The following FAT3 variants were observed in gnomAD, a reference collection of about 807,000 sequenced individuals.
The protein encoded by FAT3 is protocadherin Fat 3.
FAT3 carries 95 observed loss-of-function variants against 310.2 expected under a neutral mutation model. That is an observed-to-expected ratio of 0.31 (90% CI 0.26 to 0.36). The LOEUF is 0.36. Ranked by LOEUF, FAT3 falls within the 10% of genes least tolerant of loss-of-function variation. FAT3 has a pLI of 1.00. For missense variants in FAT3, 5,408 were observed against 5,715.6 expected, an observed-to-expected ratio of 0.95 and a Z score of 1.74; for synonymous variants, 2,314 against 2,192.9, an observed-to-expected ratio of 1.06 and a Z score of -1.54.
intron 2 of FAT3, among the ~76,000 whole-genome samples, chr11:92,404,338 G>GT (rs1950092282): frequency 6.6e-6 from 1 of 152,100 alleles, no homozygotes; most frequent in Non-Finnish European, 1.5e-5. Context: ...GCTGGGTACA[G>GT]GATAGCCAGA....
chr11:92,531,699 T>G (rs1954079261), intron 3 of FAT3, among the ~76,000 whole-genome samples: 1 of 151,982 alleles, frequency 6.6e-6, no homozygotes, highest in African/African-American at 2.4e-5. Flanking sequence ...TCAGCTGCAT[T>G]GTGTAGCTGC....
intron 2 of FAT3, among the ~76,000 whole-genome samples, chr11:92,394,114 G>A (rs1228300614): frequency 6.6e-6 from 1 of 152,086 alleles, no homozygotes; most frequent in Non-Finnish European, 1.5e-5. Flanking sequence ...GAATAACATT[G>A]GCAAGTAAGA....
intron 3 of FAT3, among the ~76,000 whole-genome samples, chr11:92,529,113 T>C (rs1425455086): frequency 1.3e-5 from 2 of 152,212 alleles, no homozygotes; most frequent in South Asian, 2.1e-4. Flanking sequence ...CATTGGAAGA[T>C]ACTTTCTGCA....
At chr11:92,848,537 C>G (rs534106958) in intron 19 of FAT3, among the ~76,000 whole-genome samples, 3 of 152,326 alleles carry the variant, frequency 2.0e-5, no homozygotes, top group Non-Finnish European at 4.4e-5. Flanking sequence ...ATTCAAAAAT[C>G]TAATACATAA....
rs78244582 is a variant in FAT3 at position 92,524,680 on chromosome 11, A to G, written c.3339A>G (p.Ser1113=). The change falls in exon 3 of 28, where the codon TCA becomes TCG. Residue 1113 remains serine (S), a synonymous_variant. Coordinates refer to ENST00000525166, the MANE Select transcript of FAT3 (RefSeq NM_001367949.2). ...TTCTTGATCGGGAGACAATGGGGTC[A>G]TACTGGCTAACAGTGTATGCCACAG... ...ADILDRETMG[S]YWLTVYATDR... 1 of 1,613,896 alleles carries G rather than the reference A, an allele frequency of 6.2e-7. No individual in the cohort carries two copies. The highest frequency in any genetic ancestry group is 1.3e-5 in the African/African-American group (1 of 75,036).
intron 1 of FAT3, among the ~76,000 whole-genome samples, chr11:92,271,452 C>T (rs59228880): frequency 0.2 from 30,196 of 152,046 alleles, 3,653 homozygotes; most frequent in African/African-American, 0.34. Context: ...GCCACTCCCC[C>T]TTAGGATGAT....
intron 1 of FAT3, among the ~76,000 whole-genome samples, chr11:92,267,103 G>A (rs1295199352): frequency 6.6e-6 from 1 of 151,866 alleles, no homozygotes; most frequent in African/African-American, 2.4e-5. Flanking sequence ...CCATCCTGCC[G>A]ACTTTTGCAC....
intron 1 of FAT3, among the ~76,000 whole-genome samples, chr11:92,351,497 C>T (rs541150199): frequency 2.0e-5 from 3 of 152,124 alleles, no homozygotes; most frequent in African/African-American, 4.8e-5. Context: ...AATAATAGAA[C>T]TCATGCTATA....
chr11:92,241,733 C>T (rs761278066), intron 1 of FAT3, among the ~76,000 whole-genome samples: 1 of 151,902 alleles, frequency 6.6e-6, no homozygotes, highest in Non-Finnish European at 1.5e-5. Context: ...ATTTATTTAT[C>T]AGTCATTAGT....
intron 2 of FAT3, among the ~76,000 whole-genome samples, chr11:92,458,312 C>T (rs1951550568): frequency 6.6e-6 from 1 of 152,170 alleles, no homozygotes; most frequent in Admixed American, 6.5e-5. Flanking sequence ...TATTTGGAAG[C>T]AGTGTTTCCT....
chr11:92,718,393 G>T (rs1369801696), intron 4 of FAT3, among the ~76,000 whole-genome samples: 1 of 152,062 alleles, frequency 6.6e-6, no homozygotes, highest in East Asian at 1.9e-4. Context: ...CTAGGTGAGG[G>T]TTCCTGCGCT....
chr11:92,809,804 AAAAAC>A, intron 12 of FAT3, 34 bp from the exon 13 acceptor site: 5 of 1,528,500 alleles, frequency 3.3e-6, no homozygotes, highest in Non-Finnish European at 4.5e-6. Context: ...GACAGTTTTT[AAAAAC>A]TCAGACCAAT....
At chr11:92,656,138 C>T (rs899579875) in intron 3 of FAT3, among the ~76,000 whole-genome samples, 4 of 152,248 alleles carry the variant, frequency 2.6e-5, no homozygotes, top group South Asian at 2.1e-4. Context: ...TTCAAACTAT[C>T]GGCTCTGCTC....
At chr11:92,502,484 T>A (rs1272869149) in intron 2 of FAT3, among the ~76,000 whole-genome samples, 2 of 152,002 alleles carry the variant, frequency 1.3e-5, no homozygotes, top group African/African-American at 2.4e-5. Context: ...GTAACAGGCA[T>A]CTTATAAGAG....
chr11:92,793,707 C>T (rs1163271908), intron 9 of FAT3, among the ~76,000 whole-genome samples: 1 of 152,130 alleles, frequency 6.6e-6, no homozygotes, highest in Non-Finnish European at 1.5e-5. Context: ...TGTTCTCCTC[C>T]CCATTCCATC....
chr11:92,846,063 C>T (rs894303983), intron 19 of FAT3, among the ~76,000 whole-genome samples: 1 of 152,172 alleles, frequency 6.6e-6, no homozygotes, highest in Non-Finnish European at 1.5e-5. Flanking sequence ...TGGCAGATGT[C>T]ACCAACATGC....
chr11:92,737,116 C>G (rs1054761957), intron 4 of FAT3, among the ~76,000 whole-genome samples: 1 of 152,058 alleles, frequency 6.6e-6, no homozygotes, highest in Non-Finnish European at 1.5e-5. Flanking sequence ...AAGACTGAAA[C>G]AGTAATATCT....
At chr11:92,499,162 C>A (rs1391360521) in intron 2 of FAT3, among the ~76,000 whole-genome samples, 3 of 151,960 alleles carry the variant, frequency 2.0e-5, no homozygotes. Context: ...AACCTCTGAC[C>A]TTGAGTAGGT....
intron 4 of FAT3, among the ~76,000 whole-genome samples, chr11:92,706,939 G>A (rs1358884238): frequency 6.6e-6 from 1 of 152,242 alleles, no homozygotes; most frequent in East Asian, 1.9e-4. Flanking sequence ...ACGGAAGGGT[G>A]CTGTGGATCT....
Sources: allele counts gnomAD v4.1 joint callset (sites outside exome capture counted in the v4.1 genomes callset), GRCh38; gene constraint gnomAD v4.1.1; transcripts MANE v1.5; gene names NCBI Gene and HGNC (gene_info 2026-07-23, HGNC 2026-07-21).